Variants in HYDIN observed in about 807,000 individuals in gnomAD.
HYDIN encodes the protein axonemal central pair apparatus protein HYDIN.
Under a neutral mutation model 403.9 loss-of-function variants are expected in HYDIN, and 132 were observed. That is an observed-to-expected ratio of 0.33 (90% CI 0.28 to 0.38). HYDIN has a LOEUF of 0.38. Ranked by LOEUF, HYDIN falls within the 10% of genes least tolerant of loss-of-function variation. HYDIN has a pLI of 1.00. For synonymous variants in HYDIN, 1,202 were observed against 1,891.7 expected, an observed-to-expected ratio of 0.64 and a Z score of 9.46; for missense variants, 2,827 against 5,009.5, an observed-to-expected ratio of 0.56 and a Z score of 13.15.
Position 70,943,865 on chromosome 16 carries a change from T to A in HYDIN, c.6616A>T (p.Ser2206Cys). 1 of 1,613,630 alleles carries A rather than the reference T, an allele frequency of 6.2e-7. No homozygotes were observed. The change falls in exon 42 of 86, where the codon AGC becomes TGC. Residue 2206 changes from serine to cysteine, a missense_variant. Coordinates refer to ENST00000393567, the MANE Select transcript of HYDIN (RefSeq NM_001270974.2). Reference protein sequence around the residue: ...PSVGGETGLMSCVLPDELLVQ... With the variant: ...PSVGGETGLMCCVLPDELLVQ... Reference sequence around the variant, plus strand: ...AGAAGTTCATCCGGGAGCACACAGCTCATCAGCCCGGTCTCGCCTCCGACA... The same window carrying A: ...AGAAGTTCATCCGGGAGCACACAGCACATCAGCCCGGTCTCGCCTCCGACA...
chr16:70,994,988 A>G (rs1208477490), intron 23 of HYDIN, among the ~76,000 whole-genome samples: 1 of 151,352 alleles, frequency 6.6e-6, no homozygotes, highest in Non-Finnish European at 1.5e-5. Flanking sequence ...AAAGCTGTAG[A>G]GGGTCTTCAT....
intron 21 of HYDIN, 148 bp from the exon 22 acceptor site, chr16:71,020,465 T>C (rs1218119261): frequency 1.1e-5 from 14 of 1,222,484 alleles, no homozygotes; most frequent in Non-Finnish European, 1.6e-5. Context: ...TATATATGCA[T>C]ATATATGTAG....
chr16:70,885,046 A>G (rs2041048292), intron 58 of HYDIN, among the ~76,000 whole-genome samples: 1 of 152,112 alleles, frequency 6.6e-6, no homozygotes, highest in Non-Finnish European at 1.5e-5. Context: ...TTGGGGGACC[A>G]GCTGTCCATG....
intron 18 of HYDIN, 97 bp downstream of exon 18, chr16:71,060,407 A>G: frequency 3.2e-6 from 2 of 634,784 alleles, no homozygotes; most frequent in Non-Finnish European, 5.7e-6. Flanking sequence ...TAACCATGCA[A>G]ATCTCTGCTT....
Position 70,868,585 on chromosome 16 carries a change from G to C in HYDIN, c.11295C>G (p.Phe3765Leu), listed in dbSNP as rs577085246. ...CCCCACTTACTTTTCGTTTTGTAGT[G>C]AAAGTCCCAGGCATGTTTCTGGGTA... ...VDVPRNMPGT[F>L]TTKRKVIETD... The change falls in exon 66 of 86, where the codon TTC becomes TTG. Residue 3765 changes from phenylalanine (F) to leucine (L), a missense_variant. By Grantham distance (22) the Phe-to-Leu change is conservative. Coordinates refer to ENST00000393567, the MANE Select transcript of HYDIN (RefSeq NM_001270974.2). The C allele has an allele frequency of 6.8e-6, 11 of 1,611,852 alleles. No homozygotes were observed. The African/African-American group carries it at 1.3e-4, about 20-fold the overall frequency.
intron 84 of HYDIN, 22 bp from the exon 85 acceptor site, chr16:70,810,029 C>G: frequency 6.2e-7 from 1 of 1,609,874 alleles, no homozygotes; most frequent in South Asian, 1.1e-5. Flanking sequence ...AACAGAGGAT[C>G]CTGTCATGCT....
intron 29 of HYDIN, among the ~76,000 whole-genome samples, chr16:70,980,056 C>A (rs1213978327): frequency 6.6e-6 from 1 of 151,268 alleles, no homozygotes; most frequent in Non-Finnish European, 1.5e-5. Context: ...CCCTTACTGG[C>A]CAAACCATGT....
chr16:71,190,034 T>C (rs1466329655), intron 1 of HYDIN, among the ~76,000 whole-genome samples: 1 of 152,072 alleles, frequency 6.6e-6, no homozygotes, highest in Non-Finnish European at 1.5e-5. Context: ...TGAAAATAAA[T>C]ACAAGCTTGC....
intron 15 of HYDIN, among the ~76,000 whole-genome samples, chr16:71,065,140 G>A (rs527632196): frequency 1.2e-3 from 180 of 152,302 alleles, no homozygotes; most frequent in African/African-American, 4.1e-3. Flanking sequence ...TCCCCATGGC[G>A]CAAGATCCAT....
chr16:70,847,110 G>A (rs1448463436), intron 75 of HYDIN, among the ~76,000 whole-genome samples: 1 of 150,782 alleles, frequency 6.6e-6, no homozygotes. Context: ...GATTTTGCTC[G>A]TTAGTTGATG....
intron 18 of HYDIN, among the ~76,000 whole-genome samples, chr16:71,036,258 G>GA (rs1296689685): frequency 6.6e-6 from 1 of 151,196 alleles, no homozygotes; most frequent in Non-Finnish European, 1.5e-5. Context: ...GGCAGCTAGA[G>GA]AGAAACTAAG....
chr16:71,000,605 T>C (rs547022536), intron 23 of HYDIN, among the ~76,000 whole-genome samples: 1 of 152,190 alleles, frequency 6.6e-6, no homozygotes, highest in Non-Finnish European at 1.5e-5. Context: ...CCCCGCTCCA[T>C]AAGTTTCCCT....
intron 18 of HYDIN, among the ~76,000 whole-genome samples, chr16:71,056,257 G>C (rs368398047): frequency 2.6e-5 from 4 of 151,706 alleles, no homozygotes; most frequent in African/African-American, 9.7e-5. Flanking sequence ...AAGCAAAGGA[G>C]AGTCTACTGT....
rs8044001 is a variant in HYDIN, at chr16:70,920,668, C to T, written c.7708G>A (p.Asp2570Asn). The T allele has an allele frequency of 6.2e-7, 1 of 1,613,848 alleles. No individual in the cohort carries two copies. The highest frequency in any genetic ancestry group is 1.1e-5 in the South Asian group (1 of 90,942). Residue 2570 changes from aspartate (D) to asparagine (N), a missense_variant, in exon 46 of 86, where the codon GAC becomes AAC. By Grantham distance (23) the Asp-to-Asn change is conservative. Transcript: ENST00000393567. ...CCTTCAAAGTCTGGTGTCTGGATGT[C>T]TAGGAAGGGTACGCCCAGGTCCTTC... ...KEKDLGVPFL[D>N]IQTPDFEGLS...
chr16:70,856,670 C>T (rs563061059), intron 72 of HYDIN, among the ~76,000 whole-genome samples: 6 of 152,158 alleles, frequency 3.9e-5, no homozygotes, highest in Admixed American at 6.5e-5. Context: ...TATATTGAAA[C>T]GTACCACTGT....
intron 45 of HYDIN, among the ~76,000 whole-genome samples, chr16:70,929,304 A>AAACAAC (rs1175030204): frequency 1.4e-5 from 2 of 140,674 alleles, no homozygotes; most frequent in African/African-American, 2.7e-5. Flanking sequence ...AAACAAAACA[A>AAACAAC]AACAACAACA....
In HYDIN at chr16:70,896,314, T is replaced by G. The variant is rs542037071; in HGVS notation, c.9049-234A>C. ...AAGGGACTGACTTTTTTATTGTTGC[T>G]ACATTACTGAAGTTTGGGCTTGGGG... On this transcript the variant is annotated intron_variant, in intron 53 of 85. Transcript: ENST00000393567. 1.1e-4 allele frequency among the ~76,000 whole-genome samples: 16 copies of G among 151,862 alleles called. No homozygotes were observed. In the East Asian group the frequency reaches 2.9e-3, roughly 28 times the overall value.
intron 54 of HYDIN, 124 bp downstream of exon 54, chr16:70,895,857 T>A (rs1291943308): frequency 3.5e-6 from 5 of 1,410,632 alleles, no homozygotes; most frequent in Non-Finnish European, 4.7e-6. Flanking sequence ...CATTATTATT[T>A]ATTAAAATTG....
chr16:71,054,417 C>T (rs983037322), intron 18 of HYDIN, among the ~76,000 whole-genome samples: 2 of 152,214 alleles, frequency 1.3e-5, no homozygotes, highest in African/African-American at 4.8e-5. Context: ...GGTGGAATAG[C>T]TTAATGATGT....
Sources: allele counts gnomAD v4.1 joint callset (sites outside exome capture counted in the v4.1 genomes callset), GRCh38; gene constraint gnomAD v4.1.1; transcripts MANE v1.5; gene names NCBI Gene and HGNC (gene_info 2026-07-23, HGNC 2026-07-21).